The following MYT1L variants were observed in gnomAD, a reference collection of about 807,000 sequenced individuals.
MYT1L encodes myelin transcription factor 1 like.
A neutral mutation model predicts 126.7 loss-of-function variants in MYT1L; 12 were observed. The observed-to-expected ratio is 0.09, with a 90% confidence interval of 0.06 to 0.15. MYT1L has a LOEUF of 0.15. MYT1L is among the 10% of genes least tolerant of loss of function. MYT1L has a pLI of 1.00. For synonymous variants in MYT1L, 541 were observed against 604.2 expected (o/e 0.90, Z 1.53); for missense variants, 979 against 1,585.2 (o/e 0.62, Z 6.49).
rs1266525637 is a variant in MYT1L, at chr2:1,888,739, A to C, written c.2520+502T>G. Among the ~76,000 whole-genome samples the C allele has an allele frequency of 2.6e-5, 4 of 152,252 alleles. No individual in the cohort carries two copies. In the South Asian group the frequency reaches 8.3e-4, roughly 32 times the overall value. On this transcript the variant is annotated intron_variant, in intron 16 of 24. Transcript: ENST00000647738. ...GTTTTAGTAATACTGTCATAAACAA[A>C]GACTTAGGTGATGGTACTAAAATAG...
chr2:1,871,393 T>C, intron 18 of MYT1L, among the ~76,000 whole-genome samples: 1 of 152,194 alleles, frequency 6.6e-6, no homozygotes, highest in South Asian at 2.1e-4. Flanking sequence ...TGCTCCTCAG[T>C]TCCCTGGCCT....
chr2:1,850,466 T>C (rs908478455), intron 19 of MYT1L, among the ~76,000 whole-genome samples: 1 of 152,166 alleles, frequency 6.6e-6, no homozygotes, highest in African/African-American at 2.4e-5. Flanking sequence ...TTCTTGTCTT[T>C]ACCTCAGCAT....
At chr2:1,964,151 G>A (rs2059158471) in intron 8 of MYT1L, among the ~76,000 whole-genome samples, 1 of 152,160 alleles carries the variant, frequency 6.6e-6, no homozygotes, top group Admixed American at 6.5e-5. Flanking sequence ...CAGGGAATAG[G>A]AAGGCCTGAG....
chr2:2,045,795 G>C (rs1226270637), intron 4 of MYT1L, among the ~76,000 whole-genome samples: 2 of 152,162 alleles, frequency 1.3e-5, no homozygotes, highest in Non-Finnish European at 2.9e-5. Flanking sequence ...ATTCAATAAA[G>C]CTATTTGGAT....
chr2:1,937,895 G>A (rs2056185473), intron 9 of MYT1L, among the ~76,000 whole-genome samples: 1 of 152,182 alleles, frequency 6.6e-6, no homozygotes, highest in Non-Finnish European at 1.5e-5. Flanking sequence ...CACTGATCTG[G>A]AGAACGCGAT....
intron 4 of MYT1L, among the ~76,000 whole-genome samples, chr2:2,048,727 T>C (rs1443256550): frequency 1.3e-5 from 2 of 152,232 alleles, no homozygotes; most frequent in African/African-American, 4.8e-5. Context: ...TCCATGGTCC[T>C]GAACCACATA....
At chr2:1,907,928 G>C (rs1009469988) in intron 13 of MYT1L, among the ~76,000 whole-genome samples, 2 of 152,244 alleles carry the variant, frequency 1.3e-5, no homozygotes, top group African/African-American at 4.8e-5. Context: ...GGCCAGTGCA[G>C]GGCCCAGCAC....
chr2:2,072,540 C>A (rs531377575), intron 3 of MYT1L, among the ~76,000 whole-genome samples: 36 of 152,244 alleles, frequency 2.4e-4, no homozygotes, highest in South Asian at 1.2e-3. Flanking sequence ...AATAGCATAA[C>A]CTTGGTAGCT....
chr2:2,221,913 C>T (rs2093884870), intron 2 of MYT1L, among the ~76,000 whole-genome samples: 1 of 152,200 alleles, frequency 6.6e-6, no homozygotes, highest in Admixed American at 6.5e-5. Flanking sequence ...GCAGCACTTT[C>T]TGCTGAAGCC....
intron 19 of MYT1L, among the ~76,000 whole-genome samples, chr2:1,846,816 C>T (rs1270923729): frequency 1.3e-5 from 2 of 152,208 alleles, no homozygotes; most frequent in African/African-American, 4.8e-5. Context: ...CAGATACTGA[C>T]AGGGTTGGAC....
intron 8 of MYT1L, among the ~76,000 whole-genome samples, chr2:1,955,142 CA>C (rs111904216): frequency 0.041 from 4,814 of 116,890 alleles, 161 homozygotes; most frequent in African/African-American, 0.095. Context: ...GAGTCCATCT[CA>C]AAAAAAAAAA....
chr2:2,051,060 C>T (rs943896537), intron 4 of MYT1L, among the ~76,000 whole-genome samples: 9 of 152,152 alleles, frequency 5.9e-5, no homozygotes, highest in African/African-American at 1.4e-4. Context: ...TTCTGTTCTA[C>T]GTTCCATCTG....
chr2:2,166,209 C>T (rs577900123), intron 3 of MYT1L, among the ~76,000 whole-genome samples: 1 of 152,100 alleles, frequency 6.6e-6, no homozygotes, highest in African/African-American at 2.4e-5. Flanking sequence ...TCTCTCCCAC[C>T]GTTATAAACT....
chr2:1,891,960 C>G, intron 15 of MYT1L, 77 bp downstream of exon 15: 1 of 1,441,236 alleles, frequency 6.9e-7, no homozygotes, highest in Non-Finnish European at 9.1e-7. Context: ...CCGAAAGCGC[C>G]GCGTGTCTCG....
At chr2:2,122,549 T>C (rs1575324476) in intron 3 of MYT1L, among the ~76,000 whole-genome samples, 1 of 152,296 alleles carries the variant, frequency 6.6e-6, no homozygotes, top group Admixed American at 6.5e-5. Flanking sequence ...ATATACAAAG[T>C]AATTCATGTA....
intron 2 of MYT1L, among the ~76,000 whole-genome samples, chr2:2,275,559 C>T (rs889419765): frequency 1.3e-5 from 2 of 152,050 alleles, no homozygotes; most frequent in African/African-American, 4.8e-5. Context: ...CGTATCGCAC[C>T]TAGTGTGAGC....
intron 18 of MYT1L, among the ~76,000 whole-genome samples, chr2:1,865,379 C>T (rs1013273511): frequency 6.6e-5 from 10 of 152,136 alleles, no homozygotes; most frequent in Admixed American, 2.0e-4. Flanking sequence ...CAAAGAGCCC[C>T]GGAGTCAGAG....
intron 2 of MYT1L, among the ~76,000 whole-genome samples, chr2:2,279,105 A>G (rs1357030971): frequency 6.6e-6 from 1 of 152,174 alleles, no homozygotes; most frequent in Non-Finnish European, 1.5e-5. Flanking sequence ...TTCTTAAAAT[A>G]AAAGGAGAGC....
chr2:1,898,729 G>T (rs954410779), intron 14 of MYT1L, among the ~76,000 whole-genome samples: 1 of 152,200 alleles, frequency 6.6e-6, no homozygotes, highest in Non-Finnish European at 1.5e-5. Flanking sequence ...GAAGGGCCGC[G>T]GACTGCCTGC....
Sources: allele counts gnomAD v4.1 joint callset (sites outside exome capture counted in the v4.1 genomes callset), GRCh38; gene constraint gnomAD v4.1.1; transcripts MANE v1.5; gene names NCBI Gene and HGNC (gene_info 2026-07-23, HGNC 2026-07-21).